The following KMT2C variants were observed in gnomAD, a reference collection of about 807,000 sequenced individuals.
KMT2C encodes histone-lysine N-methyltransferase 2C.
Under a neutral mutation model 507.9 loss-of-function variants are expected in KMT2C, and 88 were observed. That is an observed-to-expected ratio of 0.17 (90% CI 0.15 to 0.21). The LOEUF is 0.21. Among genes scored for constraint, KMT2C ranks in the 10% least tolerant of loss-of-function variants. The probability of loss-of-function intolerance (pLI) is 1.00; values close to 1 mark genes in which losing one functional copy is unlikely to be tolerated. For synonymous variants in KMT2C, 2,049 were observed against 2,080.8 expected (o/e 0.98, Z 0.42); for missense variants, 4,954 against 5,957.8 (o/e 0.83, Z 5.55).
intron 1 of KMT2C, among the ~76,000 whole-genome samples, chr7:152,431,089 C>T (rs1019397092): frequency 6.6e-6 from 1 of 151,902 alleles, no homozygotes; most frequent in Non-Finnish European, 1.5e-5. Context: ...TGAAATAGTA[C>T]GAAAATGTAA....
chr7:152,318,951 G>C (rs1296445369), intron 3 of KMT2C, among the ~76,000 whole-genome samples: 1 of 152,166 alleles, frequency 6.6e-6, no homozygotes, highest in Admixed American at 6.5e-5. Context: ...AGATGGTTAA[G>C]CATCTCCAAT....
At chr7:152,145,737 T>A (rs2091043148) in intron 53 of KMT2C, among the ~76,000 whole-genome samples, 1 of 152,256 alleles carries the variant, frequency 6.6e-6, no homozygotes, top group Admixed American at 6.5e-5. Flanking sequence ...TCTATATGGT[T>A]TCTTTCTTGA....
At chr7:152,318,977 CTG>C (rs1381567241) in intron 3 of KMT2C, among the ~76,000 whole-genome samples, 1 of 152,170 alleles carries the variant, frequency 6.6e-6, no homozygotes, top group African/African-American at 2.4e-5. Context: ...AATCCAAAAT[CTG>C]AAATGCTCCG....
Position 152,138,594 on chromosome 7 carries a change from C to T in KMT2C, c.14643+202G>A, listed in dbSNP as rs1160417838. On this transcript the variant is annotated intron_variant, in intron 58 of 58. Transcript: ENST00000262189. This position sits in a 1 kb window ranked among gnomAD's most constrained non-coding sequence, Gnocchi z 4.2. ...GAAGGGAGAGGTGACAGCAAATGCT[C>T]ACAGAGCTGCCATGTGGAGGAAGGT... The T allele has an allele frequency of 6.3e-6, 3 of 479,566 alleles. No homozygotes were observed. The highest frequency in any genetic ancestry group is 4.1e-5 in the African/African-American group (2 of 49,174). 29.7% of individuals were successfully genotyped at this position (479,566 alleles called of 1,614,324 possible). A position where few individuals can be genotyped will look rare whatever the true frequency, so the allele number is the denominator to read the frequency against.
Position 152,162,728 on chromosome 7 carries a change from C to T in KMT2C, c.10849G>A (p.Glu3617Lys). ...TRKKKRDDDAESTKAPSTPHS... is the reference protein window; with the variant it reads ...TRKKKRDDDAKSTKAPSTPHS... Reference sequence around the variant, plus strand: ...GGAGTTGATGGAGCCTTGGTGGATTCTGCATCATCATCTCTTTTCTTCTTT... The same window carrying T: ...GGAGTTGATGGAGCCTTGGTGGATTTTGCATCATCATCTCTTTTCTTCTTT... Residue 3617 changes from glutamate (E) to lysine (K), a missense_variant, in exon 43 of 59, where the codon GAA becomes AAA. Transcript: ENST00000262189. 6.2e-7 allele frequency: 1 copy of T among 1,614,196 alleles called. No homozygotes were observed. The highest frequency in any genetic ancestry group is 8.5e-7 in the Non-Finnish European group (1 of 1,180,022).
chr7:152,395,161 C>G (rs559413617), intron 1 of KMT2C, among the ~76,000 whole-genome samples: 1 of 152,160 alleles, frequency 6.6e-6, no homozygotes, highest in East Asian at 1.9e-4. Flanking sequence ...CTCATTACAA[C>G]AATAGTAGCA....
chr7:152,220,353 A>G, intron 23 of KMT2C, 170 bp downstream of exon 23: 1 of 612,074 alleles, frequency 1.6e-6, no homozygotes, highest in South Asian at 2.0e-5. Flanking sequence ...GAACCTGAAA[A>G]GGCAAGGTCT....
intron 7 of KMT2C, among the ~76,000 whole-genome samples, chr7:152,266,002 A>T (rs1170350112): frequency 6.6e-6 from 1 of 152,296 alleles, no homozygotes; most frequent in Non-Finnish European, 1.5e-5. Context: ...GCATACTGCA[A>T]AATAAGGAAA....
At chr7:152,395,958 A>G (rs575105479) in intron 1 of KMT2C, among the ~76,000 whole-genome samples, 4 of 152,318 alleles carry the variant, frequency 2.6e-5, no homozygotes, top group Non-Finnish European at 5.9e-5. Flanking sequence ...GGCCACTTTT[A>G]CATGTGTAAC....
chr7:152,372,188 C>CAA (rs2097298031), intron 1 of KMT2C, among the ~76,000 whole-genome samples: 2 of 152,172 alleles, frequency 1.3e-5, no homozygotes, highest in African/African-American at 4.8e-5. Flanking sequence ...CGGAGTCTCA[C>CAA]TCTGTCGCCC....
At chr7:152,392,071 C>T (rs967226870) in intron 1 of KMT2C, among the ~76,000 whole-genome samples, 2 of 152,312 alleles carry the variant, frequency 1.3e-5, no homozygotes, top group African/African-American at 4.8e-5. Flanking sequence ...CCTGAAACCA[C>T]GGATGCTACA....
At chr7:152,392,162 T>A (rs2097504036) in intron 1 of KMT2C, among the ~76,000 whole-genome samples, 1 of 152,094 alleles carries the variant, frequency 6.6e-6, no homozygotes, top group Non-Finnish European at 1.5e-5. Context: ...TAAGTTACCA[T>A]GCAAAAAAAT....
At chr7:152,406,459 G>A (rs1421423797) in intron 1 of KMT2C, among the ~76,000 whole-genome samples, 27 of 149,008 alleles carry the variant, frequency 1.8e-4, no homozygotes, top group Middle Eastern at 3.6e-3. Flanking sequence ...AAAAAAAAAG[G>A]CATCAAAAAT....
intron 15 of KMT2C, among the ~76,000 whole-genome samples, chr7:152,238,072 T>A (rs1315454712): frequency 5.9e-5 from 9 of 152,102 alleles, no homozygotes; most frequent in African/African-American, 2.2e-4. Flanking sequence ...TAATCTAGAA[T>A]TCCTTAAAAT....
intron 9 of KMT2C, among the ~76,000 whole-genome samples, chr7:152,258,520 CTGT>C (rs890652824): frequency 3.0e-4 from 46 of 151,682 alleles, no homozygotes; most frequent in South Asian, 2.9e-3. Flanking sequence ...GTTGTTGTTG[CTGT>C]TGTTGTTGTT....
At chr7:152,200,259 G>A (rs914690992) in intron 26 of KMT2C, among the ~76,000 whole-genome samples, 6 of 152,180 alleles carry the variant, frequency 3.9e-5, no homozygotes, top group Non-Finnish European at 2.9e-5. Context: ...ATTTTGTAAT[G>A]TCAAGAAGTA....
rs2092577305 is a variant in KMT2C, at chr7:152,163,672, G to C, written c.9905C>G (p.Pro3302Arg). The part of the protein sequence containing the change: ...PGATPPTMSQ[P>R]TFPMVPQQLQ... ...CTGCTGTGGCACCATGGGAAAGGTG[G>C]GTTGGCTCATGGTGGGTGGAGTGGC... The change falls in exon 43 of 59, where the codon CCC becomes CGC. Residue 3302 changes from proline to arginine, a missense_variant. Pro to Arg is a moderately radical substitution (Grantham distance 103). Transcript: ENST00000262189. 2 of 1,613,938 alleles carry C rather than the reference G, an allele frequency of 1.2e-6. No individual in the cohort carries two copies.
chr7:152,307,248 A>AC (rs2096626772), intron 6 of KMT2C, among the ~76,000 whole-genome samples: 15 of 117,080 alleles, frequency 1.3e-4, no homozygotes, highest in African/African-American at 6.4e-4. Context: ...GAAGGAAGGA[A>AC]GGACGGTAGG....
Position 152,136,688 on chromosome 7 carries a change from G to A in KMT2C, c.*144C>T. The A allele has an allele frequency of 1.5e-6, 1 of 646,958 alleles. No homozygotes were observed. Among genetic ancestry groups the A allele is most frequent in the Non-Finnish European group, 2.8e-6 (1 of 363,580 alleles). The allele number at this position is 646,958 out of a possible 1,614,324, so 40.1% of individuals were successfully genotyped here. A position where few individuals can be genotyped will look rare whatever the true frequency, so the allele number is the denominator to read the frequency against. ...TGGCGCTGCTTTAACCTAAAGGACT[G>A]AGGAAATCAGAACTCCCAGAAGCTT... On this transcript the variant is annotated 3_prime_UTR_variant, in exon 59 of 59. Transcript: ENST00000262189.
Sources: allele counts gnomAD v4.1 joint callset (sites outside exome capture counted in the v4.1 genomes callset), GRCh38; gene constraint gnomAD v4.1.1; non-coding constraint Gnocchi (gnomAD v3.1); transcripts MANE v1.5; gene names NCBI Gene and HGNC (gene_info 2026-07-23, HGNC 2026-07-21).